The following CDH12 variants were observed in gnomAD, a reference collection of about 807,000 sequenced individuals.
CDH12 encodes cadherin-12.
CDH12 carries 41 observed loss-of-function variants against 74.1 expected under a neutral mutation model. The observed-to-expected ratio is 0.55, with a 90% confidence interval of 0.43 to 0.72. The LOEUF (loss-of-function observed/expected upper bound fraction) is 0.72, where lower values mean the gene tolerates loss of function less well. CDH12 is among the 30% of genes least tolerant of loss of function. The pLI is 0.00. For synonymous variants in CDH12, 399 were observed against 355.0 expected (o/e 1.12, Z -1.39); for missense variants, 945 against 977.2 (o/e 0.97, Z 0.44).
intron 8 of CDH12, among the ~76,000 whole-genome samples, chr5:21,840,398 C>A (rs1479483079): frequency 6.6e-6 from 1 of 151,320 alleles, no homozygotes; most frequent in Non-Finnish European, 1.5e-5. Context: ...AGGCATGAAT[C>A]TCATCAAAAT....
intron 3 of CDH12, among the ~76,000 whole-genome samples, chr5:22,346,735 C>T (rs191728266): frequency 3.6e-4 from 55 of 152,250 alleles, no homozygotes; most frequent in African/African-American, 1.2e-3. Flanking sequence ...TTGCCCACTA[C>T]GAGCTCTTGC....
intron 8 of CDH12, among the ~76,000 whole-genome samples, chr5:21,841,235 C>A (rs1749829795): frequency 6.6e-6 from 1 of 150,730 alleles, no homozygotes; most frequent in African/African-American, 2.4e-5. Flanking sequence ...GACATTTATG[C>A]AGCCAAAAAA....
intron 2 of CDH12, among the ~76,000 whole-genome samples, chr5:22,429,566 C>G (rs565737261): frequency 6.6e-6 from 1 of 152,092 alleles, no homozygotes; most frequent in Non-Finnish European, 1.5e-5. Flanking sequence ...CTTATTTCTG[C>G]CATCAGCACC....
intron 3 of CDH12, among the ~76,000 whole-genome samples, chr5:22,399,460 T>A (rs555749693): frequency 6.6e-6 from 1 of 152,218 alleles, no homozygotes; most frequent in South Asian, 2.1e-4. Flanking sequence ...CAAACCTACA[T>A]CTATATAAGT....
At chr5:22,628,554 A>C (rs1441061556) in intron 1 of CDH12, among the ~76,000 whole-genome samples, 2 of 152,200 alleles carry the variant, frequency 1.3e-5, no homozygotes, top group Non-Finnish European at 2.9e-5. Flanking sequence ...AACTAATGAC[A>C]ACAAAGACAC....
intron 8 of CDH12, among the ~76,000 whole-genome samples, chr5:21,833,911 T>C (rs1749383034): frequency 6.6e-6 from 1 of 151,998 alleles, no homozygotes; most frequent in Non-Finnish European, 1.5e-5. Context: ...TGCCATGCTT[T>C]ACCTTCAGCA....
intron 1 of CDH12, among the ~76,000 whole-genome samples, chr5:22,568,531 A>G (rs1457187628): frequency 1.3e-5 from 2 of 152,178 alleles, no homozygotes; most frequent in African/African-American, 2.4e-5. Context: ...ACCCAAATTC[A>G]ATAACTCCTA....
At chr5:22,119,869 A>G (rs949167530) in intron 4 of CDH12, among the ~76,000 whole-genome samples, 1 of 152,194 alleles carries the variant, frequency 6.6e-6, no homozygotes, top group Non-Finnish European at 1.5e-5. Context: ...AGTGATTTCC[A>G]TTGTTAAACA....
chr5:22,600,415 T>C (rs1450760411), intron 1 of CDH12, among the ~76,000 whole-genome samples: 2 of 152,142 alleles, frequency 1.3e-5, no homozygotes, highest in Non-Finnish European at 2.9e-5. Flanking sequence ...GTATCTCTAG[T>C]TTTAGCAAGT....
In CDH12 at chr5:22,674,502, C is replaced by T. The variant is rs190013996; in HGVS notation, c.-522-169138G>A. 9.9e-3 allele frequency among the ~76,000 whole-genome samples: 1,500 copies of T among 152,148 alleles called. 11 individuals are homozygous for T. Among genetic ancestry groups the T allele is most frequent in the Non-Finnish European group, 0.015 (991 of 67,998 alleles). On this transcript the variant is annotated intron_variant, in intron 1 of 14. Coordinates refer to ENST00000382254, the MANE Select transcript of CDH12 (RefSeq NM_004061.5). ...TCTTTATCAGCAGCATGAAAATAGA[C>T]TAATATAGTATACTGGCACCAGGAG...
chr5:21,856,408 T>G (rs549938512), intron 6 of CDH12, among the ~76,000 whole-genome samples: 1 of 151,712 alleles, frequency 6.6e-6, no homozygotes, highest in African/African-American at 2.4e-5. Flanking sequence ...AATATTACAA[T>G]TGAAAAACTA....
chr5:22,556,858 G>A (rs905020943), intron 1 of CDH12, among the ~76,000 whole-genome samples: 8 of 151,980 alleles, frequency 5.3e-5, no homozygotes, highest in Non-Finnish European at 1.0e-4. Flanking sequence ...CAAGACATGG[G>A]AGCCATTCCT....
At chr5:22,178,830 T>C (rs1302940964) in intron 4 of CDH12, among the ~76,000 whole-genome samples, 3 of 152,266 alleles carry the variant, frequency 2.0e-5, no homozygotes, top group Non-Finnish European at 4.4e-5. Context: ...AACTTTCCCT[T>C]TCTGCTTTCT....
At chr5:22,535,329 TG>T (rs965599195) in intron 1 of CDH12, among the ~76,000 whole-genome samples, 9 of 151,846 alleles carry the variant, frequency 5.9e-5, no homozygotes, top group African/African-American at 2.2e-4. Flanking sequence ...TAATTTTTTT[TG>T]TATTTTTAGT....
intron 1 of CDH12, among the ~76,000 whole-genome samples, chr5:22,670,240 A>G (rs948203535): frequency 1.3e-5 from 2 of 152,104 alleles, no homozygotes; most frequent in African/African-American, 4.8e-5. Context: ...GCTGGTCTCA[A>G]ACTCCTGGCC....
At chr5:22,780,652 G>A (rs115869357) in intron 1 of CDH12, among the ~76,000 whole-genome samples, 216 of 152,112 alleles carry the variant, frequency 1.4e-3, no homozygotes, top group African/African-American at 4.9e-3. Flanking sequence ...TCCCTCTCAC[G>A]ATATGTGGGG....
At chr5:22,739,265 TG>T (rs757747686) in intron 1 of CDH12, among the ~76,000 whole-genome samples, 4 of 152,082 alleles carry the variant, frequency 2.6e-5, no homozygotes, top group Non-Finnish European at 5.9e-5. Context: ...TATCTAATTT[TG>T]TATATAGTGA....
chr5:22,493,102 A>C (rs1474795228), intron 2 of CDH12, among the ~76,000 whole-genome samples: 3 of 152,058 alleles, frequency 2.0e-5, no homozygotes, highest in Non-Finnish European at 4.4e-5. Flanking sequence ...TCCCATTGTA[A>C]ATTCTTTTCT....
At chr5:22,098,593 C>T (rs1394536754) in intron 4 of CDH12, among the ~76,000 whole-genome samples, 2 of 152,208 alleles carry the variant, frequency 1.3e-5, no homozygotes, top group African/African-American at 2.4e-5. Context: ...TTCTTCCTCC[C>T]ACCTGACACA....
Sources: gnomAD v4.1 joint callset for allele counts (sites outside exome capture counted in the v4.1 genomes callset) on GRCh38, gnomAD v4.1.1 for gene constraint, MANE v1.5 for transcripts, NCBI Gene and HGNC (gene_info 2026-07-23, HGNC 2026-07-21) for gene names.